The following NPR3 variants were observed in gnomAD, a reference collection of about 807,000 sequenced individuals.
The protein encoded by NPR3 is natriuretic peptide receptor 3, also known as atrial natriuretic peptide receptor 3.
In NPR3, 34 loss-of-function variants were observed where a neutral mutation model predicts 54.5. That is an observed-to-expected ratio of 0.62 (90% confidence interval 0.47 to 0.83). The LOEUF (loss-of-function observed/expected upper bound fraction) is 0.83. NPR3 is among the 40% of genes least tolerant of loss of function. The pLI is 0.00. For missense variants in NPR3, 674 were observed against 720.8 expected (o/e 0.94, Z 0.74); for synonymous variants, 289 against 297.1 (o/e 0.97, Z 0.28).
At chr5:32,746,973 A>G (rs907903814) in intron 3 of NPR3, among the ~76,000 whole-genome samples, 1 of 152,234 alleles carries the variant, frequency 6.6e-6, no homozygotes, top group African/African-American at 2.4e-5. Flanking sequence ...AATGAATTAA[A>G]TGATACACAA....
At chr5:32,708,777 C>T (rs1385436011), upstream of NPR3, among the ~76,000 whole-genome samples, 3 of 152,324 alleles carry the variant, frequency 2.0e-5, no homozygotes, top group African/African-American at 7.2e-5. Context: ...GAAATCCATA[C>T]ACTTACATTA....
intron 3 of NPR3, among the ~76,000 whole-genome samples, chr5:32,768,219 C>A (rs773915064): frequency 7.9e-5 from 12 of 152,158 alleles, no homozygotes; most frequent in South Asian, 2.1e-4. Context: ...AGAGGCATGT[C>A]TGGCTGGCAC....
chr5:32,750,214 C>T (rs558313181), intron 3 of NPR3, among the ~76,000 whole-genome samples: 3 of 152,174 alleles, frequency 2.0e-5, no homozygotes, highest in Admixed American at 6.5e-5. Context: ...CTGCAACCTC[C>T]GCTTCCCAGG....
At position 32,774,941 on chromosome 5, in the gene NPR3, G is replaced by T. The variant is rs1173743; in HGVS notation, c.1195+98G>T. The T allele has an allele frequency of 0.54, 493,777 of 907,852 alleles. 137,727 individuals are homozygous for T. Among genetic ancestry groups the T allele is most frequent in the African/African-American group, 0.74 (44,966 of 60,972 alleles). The allele number at this position is 907,852 out of a possible 1,614,324, so 56.2% of individuals were successfully genotyped here. On this transcript the variant is annotated intron_variant, in intron 4 of 7. Coordinates refer to ENST00000265074, the MANE Select transcript of NPR3 (RefSeq NM_001204375.2). ...GTTGCAGCTGTGGGGCCTTTCCAGC[G>T]TCTTGCTTTTCTCAGCTCTAAAGCA...
Position 32,765,017 on chromosome 5 carries a change from C to CT in NPR3, c.1060-9683dup, listed in dbSNP as rs1014572985. ...AGATAATATTTAGTTTAGCTTTTTT[C>CT]TTTTTTTTATAGCAAAGTTGATAGA... On this transcript the variant is annotated intron_variant, in intron 3 of 7. Transcript: ENST00000265074. 4.0e-5 allele frequency among the ~76,000 whole-genome samples: 6 copies of CT among 151,734 alleles called. No individual in the cohort carries two copies. In the South Asian group the frequency reaches 6.2e-4, roughly 16 times the overall value.
chr5:32,692,459 G>C (rs546642548), intron 1 of NPR3, among the ~76,000 whole-genome samples: 2 of 152,302 alleles, frequency 1.3e-5, no homozygotes, highest in African/African-American at 4.8e-5. Flanking sequence ...AGTGAAAGGA[G>C]TTACCAACAA....
intron 3 of NPR3, among the ~76,000 whole-genome samples, chr5:32,746,252 C>T (rs1354592983): frequency 1.3e-5 from 2 of 152,142 alleles, no homozygotes; most frequent in African/African-American, 4.8e-5. Context: ...GTTTTCTTGA[C>T]CTAGGCTGTG....
At chr5:32,769,978 A>G (rs1030134413) in intron 3 of NPR3, among the ~76,000 whole-genome samples, 2 of 152,228 alleles carry the variant, frequency 1.3e-5, no homozygotes, top group African/African-American at 4.8e-5. Context: ...TAGAAGATAA[A>G]CAGCAGCAAC....
chr5:32,723,227 T>A lies in NPR3; in HGVS notation c.770-1471T>A, dbSNP rs114638150. Among the ~76,000 whole-genome samples, 172 of 152,314 alleles carry A rather than the reference T, an allele frequency of 1.1e-3. 1 individual carries two copies. Among genetic ancestry groups the A allele is most frequent in the African/African-American group, 3.8e-3 (160 of 41,570 alleles). ...TCCAGGTCTCTCTGCACAGTATGTGTGCAGCAAAACACAGTGGTACCGGTC... is the reference window on the plus strand; with the variant it reads ...TCCAGGTCTCTCTGCACAGTATGTGAGCAGCAAAACACAGTGGTACCGGTC... On this transcript the variant is annotated intron_variant, in intron 1 of 7. Transcript: ENST00000265074.
chr5:32,749,407 T>G (rs908834296), intron 3 of NPR3, among the ~76,000 whole-genome samples: 4 of 152,242 alleles, frequency 2.6e-5, no homozygotes, highest in African/African-American at 9.6e-5. Flanking sequence ...TTTTATATTA[T>G]AAACTTTTCC....
chr5:32,771,656 G>A (rs1454575704), intron 3 of NPR3, among the ~76,000 whole-genome samples: 2 of 152,142 alleles, frequency 1.3e-5, no homozygotes, highest in Non-Finnish European at 2.9e-5. Flanking sequence ...GAAGGAGGAG[G>A]ACGAGAAGGG....
At chr5:32,782,822 T>C in intron 5 of NPR3, 71 bp from the exon 6 acceptor site, 1 of 1,424,640 alleles carries the variant, frequency 7.0e-7, no homozygotes, top group Non-Finnish European at 9.5e-7. Context: ...GGGGAATAGC[T>C]GTGGAAGGCT....
chr5:32,767,684 A>G (rs1172084567), intron 3 of NPR3, among the ~76,000 whole-genome samples: 1 of 152,100 alleles, frequency 6.6e-6, no homozygotes, highest in African/African-American at 2.4e-5. Context: ...CTTAGTCCTC[A>G]CCACACCTTG....
intron 3 of NPR3, among the ~76,000 whole-genome samples, chr5:32,741,372 T>C (rs1017051406): frequency 3.9e-5 from 6 of 152,222 alleles, no homozygotes; most frequent in Non-Finnish European, 8.8e-5. Context: ...TGATCCGTGA[T>C]TGCACCACTG....
intron 2 of NPR3, among the ~76,000 whole-genome samples, chr5:32,726,723 C>T (rs986699007): frequency 3.9e-5 from 6 of 152,110 alleles, no homozygotes; most frequent in Non-Finnish European, 8.8e-5. Flanking sequence ...CTGTTAATTA[C>T]AATACATGAG....
intron 1 of NPR3, among the ~76,000 whole-genome samples, chr5:32,702,555 T>G (rs1215224852): frequency 6.6e-6 from 1 of 152,064 alleles, no homozygotes; most frequent in African/African-American, 2.4e-5. Context: ...AATGATGATT[T>G]CCAATTTCAT....
intron 4 of NPR3, 29 bp downstream of exon 4, chr5:32,774,872 A>G (rs754837819): frequency 1.9e-5 from 30 of 1,552,868 alleles, no homozygotes; most frequent in Middle Eastern, 1.7e-4. Context: ...AGGCAATTAC[A>G]TGGGGCCAAA....
At chr5:32,747,118 C>A (rs941218492) in intron 3 of NPR3, among the ~76,000 whole-genome samples, 1 of 152,146 alleles carries the variant, frequency 6.6e-6, no homozygotes, top group African/African-American at 2.4e-5. Flanking sequence ...ACTTCTAACT[C>A]CCATTTCCCT....
At position 32,786,255 on chromosome 5, in the gene NPR3, T is replaced by G. The variant is rs763443847; in HGVS notation, c.1536T>G (p.Ile512Met). The change falls in exon 8 of 8, where the codon ATT (isoleucine) becomes ATG (methionine). Residue 512 changes from isoleucine (I) to methionine (M), a missense_variant. Ile to Met is a conservative substitution (Grantham distance 10). Transcript: ENST00000265074. ...CCAGGAAGAAATACAGAATAACCAT[T>G]GAGAGGCGAACCCAGCAAGAAGAAA... ...YFFRKKYRIT[I>M]ERRTQQEESN... The G allele has an allele frequency of 6.5e-7, 1 of 1,527,638 alleles. No homozygotes were observed. 94.6% of individuals were successfully genotyped at this position (1,527,638 alleles called of 1,614,324 possible). A position where few individuals can be genotyped will look rare whatever the true frequency, so the allele number is the denominator to read the frequency against.
Sources: allele counts gnomAD v4.1 joint callset (sites outside exome capture counted in the v4.1 genomes callset), GRCh38; gene constraint gnomAD v4.1.1; transcripts MANE v1.5; gene names NCBI Gene and HGNC (gene_info 2026-07-23, HGNC 2026-07-21).